Variants in ITPR1 observed in about 807,000 individuals in gnomAD.
The protein encoded by ITPR1 is inositol 1,4,5-trisphosphate-gated calcium channel ITPR1.
ITPR1 carries 96 observed loss-of-function variants against 318.4 expected under a neutral mutation model. The ratio of observed to expected loss-of-function variants is 0.30; its 90% CI spans 0.26 to 0.36. ITPR1 has a LOEUF of 0.36. ITPR1 is among the 10% of genes least tolerant of loss of function. The pLI is 1.00. For synonymous variants in ITPR1, 1,312 were observed against 1,289.9 expected (o/e 1.02, Z -0.37); for missense variants, 2,440 against 3,460.2 (o/e 0.71, Z 7.40).
intron 13 of ITPR1, 75 bp from the exon 14 acceptor site, chr3:4,660,913 T>C (rs2093818007): frequency 1.4e-6 from 1 of 694,152 alleles, no homozygotes; most frequent in Non-Finnish European, 2.3e-6. Context: ...TTTTGATAGA[T>C]TATATTCTAG....
chr3:4,580,569 C>T (rs192332503), intron 4 of ITPR1, among the ~76,000 whole-genome samples: 1 of 152,194 alleles, frequency 6.6e-6, no homozygotes, highest in Non-Finnish European at 1.5e-5. Flanking sequence ...CAGCAGAGAG[C>T]TTGCTGTGCC....
At position 4,733,214 on chromosome 3, in the gene ITPR1, G is replaced by A. The variant is rs1482785257; in HGVS notation, c.5347G>A (p.Gly1783Arg). ...AGCAGGAGGACCCGGCAAGCCCGGGGGAGGAGGTACGCTTTGTGGTGTAAT... is the reference window on the plus strand; with the variant it reads ...AGCAGGAGGACCCGGCAAGCCCGGGAGAGGAGGTACGCTTTGTGGTGTAAT... ...LSAGGPGKPGGGGGGSGSSSM... is the reference protein window; with the variant it reads ...LSAGGPGKPGRGGGGSGSSSM... The change falls in exon 43 of 62, where the codon GGA becomes AGA. Residue 1783 changes from glycine (G) to arginine (R), a missense_variant. This residue lies in a region of ITPR1 where 166 missense variants were observed against 143.7 expected (regional missense o/e 1.16). Transcript: ENST00000649015. The A allele has an allele frequency of 1.2e-6, 2 of 1,613,992 alleles. No homozygotes were observed. The highest frequency in any genetic ancestry group is 1.1e-5 in the South Asian group (1 of 91,078).
At chr3:4,517,057 G>C (rs1236717837) in intron 3 of ITPR1, among the ~76,000 whole-genome samples, 5 of 152,126 alleles carry the variant, frequency 3.3e-5, no homozygotes, top group Non-Finnish European at 5.9e-5. Context: ...ATTTTACATT[G>C]CTGTATGCAT....
intron 4 of ITPR1, among the ~76,000 whole-genome samples, chr3:4,609,610 G>C (rs2091954150): frequency 2.0e-5 from 3 of 152,080 alleles, no homozygotes; most frequent in Admixed American, 6.5e-5. Flanking sequence ...GGATGGAGGG[G>C]GAAGGACTCT....
At chr3:4,607,166 T>C (rs189814909) in intron 4 of ITPR1, among the ~76,000 whole-genome samples, 2 of 152,296 alleles carry the variant, frequency 1.3e-5, no homozygotes, top group African/African-American at 2.4e-5. Context: ...CCTAGAACCT[T>C]GTTGCTCAGT....
chr3:4,512,835 A>G (rs2081933962), intron 2 of ITPR1, among the ~76,000 whole-genome samples: 1 of 152,100 alleles, frequency 6.6e-6, no homozygotes, highest in Non-Finnish European at 1.5e-5. Context: ...TGGGCTCCTA[A>G]TAACAAGCTA....
chr3:4,719,045 C>T (rs532822432), intron 40 of ITPR1, among the ~76,000 whole-genome samples: 1 of 152,096 alleles, frequency 6.6e-6, no homozygotes, highest in Non-Finnish European at 1.5e-5. Flanking sequence ...ACTGTTTTGC[C>T]CCATAGTAAT....
chr3:4,581,285 G>C (rs753316991), intron 4 of ITPR1, among the ~76,000 whole-genome samples: 1 of 152,214 alleles, frequency 6.6e-6, no homozygotes, highest in Non-Finnish European at 1.5e-5. Context: ...GTCCTCTTCA[G>C]AAGGCGGTCT....
chr3:4,787,769 C>T (rs1266225739), intron 51 of ITPR1, among the ~76,000 whole-genome samples, 178 bp from the exon 52 acceptor site: 2 of 151,912 alleles, frequency 1.3e-5, no homozygotes, highest in Non-Finnish European at 1.5e-5. Flanking sequence ...AAATACTCTT[C>T]CAGAGTTACC....
rs79668067 is a variant in ITPR1, at chr3:4,801,484, C to T, written c.7107+884C>T. Among the ~76,000 whole-genome samples the T allele has an allele frequency of 2.4e-3, 370 of 152,200 alleles. 9 individuals are homozygous for T. The East Asian group carries it at 0.065, about 27-fold the overall frequency. ...AAGTTAGGGCTTAAGGAATGGAGGG[C>T]CAGGCTCGGTGGCTCACATCTATAA... On this transcript the variant is annotated intron_variant, in intron 54 of 61. Coordinates refer to ENST00000649015, the MANE Select transcript of ITPR1 (RefSeq NM_001378452.1).
chr3:4,611,000 CCTTCCCTT>C (rs2092061597), intron 4 of ITPR1, among the ~76,000 whole-genome samples: 1 of 75,710 alleles, frequency 1.3e-5, no homozygotes, highest in African/African-American at 6.2e-5. Flanking sequence ...CTTCTCCTTC[CCTTCCCTT>C]CCCTTCCCCT....
intron 21 of ITPR1, among the ~76,000 whole-genome samples, 166 bp from the exon 22 acceptor site, chr3:4,674,036 G>A (rs1018697680): frequency 1.1e-4 from 17 of 152,266 alleles, no homozygotes; most frequent in Admixed American, 3.9e-4. Context: ...CAAGATAAAC[G>A]ACTCAAATAT....
rs1011881932 is a variant in ITPR1, at chr3:4,619,746, C to T, written c.164-8017C>T. On this transcript the variant is annotated intron_variant, in intron 4 of 61. Transcript: ENST00000649015. ...CTCTCCTCTGCTCTCCCCTGCTCTC[C>T]TCTGCCCTCCCCTCCTCTCTTCTGC... Among the ~76,000 whole-genome samples the T allele has an allele frequency of 5.9e-4, 13 of 22,062 alleles. 4 individuals carry two copies. The highest frequency in any genetic ancestry group is 5.4e-3 in the South Asian group (2 of 372). 14.5% of individuals were successfully genotyped at this position (22,062 alleles called of 152,430 possible).
chr3:4,747,567 A>G (rs575695219), intron 44 of ITPR1, among the ~76,000 whole-genome samples: 1 of 152,360 alleles, frequency 6.6e-6, no homozygotes, highest in Non-Finnish European at 1.5e-5. Context: ...CCTCCTGATA[A>G]TCAGAAGGCA....
In ITPR1 at chr3:4,675,151, C is replaced by A. The variant is rs1296833586; in HGVS notation, c.2682C>A (p.Ala894=). ...DLLRLTKILL[A]ILDCVHVTTI... ...TACGATTAACTAAGATCCTTCTGGC[C>A]ATATTGGACTGTGTACATGTGACAA... Residue 894 remains alanine, a synonymous_variant, in exon 23 of 62, where the codon GCC becomes GCA. Transcript: ENST00000649015. 1 of 1,609,512 alleles carries A rather than the reference C, an allele frequency of 6.2e-7. No homozygotes were observed. Among genetic ancestry groups the A allele is most frequent in the Non-Finnish European group, 8.5e-7 (1 of 1,176,138 alleles).
At chr3:4,701,441 G>A (rs2094649844) in intron 35 of ITPR1, among the ~76,000 whole-genome samples, 1 of 152,108 alleles carries the variant, frequency 6.6e-6, no homozygotes, top group Non-Finnish European at 1.5e-5. Flanking sequence ...CAAAACTCAG[G>A]GACTAAATCC....
intron 2 of ITPR1, among the ~76,000 whole-genome samples, chr3:4,515,922 A>G (rs996144358): frequency 6.6e-6 from 1 of 152,234 alleles, no homozygotes; most frequent in African/African-American, 2.4e-5. Context: ...GAATTCTGAA[A>G]AGGCCTAAAA....
chr3:4,650,852 T>A (rs1190032807), intron 10 of ITPR1, among the ~76,000 whole-genome samples: 1 of 152,184 alleles, frequency 6.6e-6, no homozygotes, highest in African/African-American at 2.4e-5. Flanking sequence ...TTTTTCTGAT[T>A]CTTTGTCTAG....
rs866670685 is a variant in ITPR1, at chr3:4,503,676, A to C, written c.-17+9170A>C. On this transcript the variant is annotated intron_variant, in intron 2 of 61. Coordinates refer to ENST00000649015, the MANE Select transcript of ITPR1 (RefSeq NM_001378452.1). ...CCTATGGTGCACAGGATAGCCCCCC[A>C]CTCCCCTGCCCCACCACACACACAC... Among the ~76,000 whole-genome samples the C allele has an allele frequency of 3.4e-3, 517 of 151,310 alleles. 2 individuals carry two copies. The highest frequency in any genetic ancestry group is 0.021 in the Middle Eastern group (6 of 292).
Sources: allele counts gnomAD v4.1 joint callset (sites outside exome capture counted in the v4.1 genomes callset), GRCh38; gene constraint gnomAD v4.1.1; regional missense constraint gnomAD v4.1.1; transcripts MANE v1.5; gene names NCBI Gene and HGNC (gene_info 2026-07-23, HGNC 2026-07-21).